HELZ: variants seen among roughly 807,000 people sequenced by gnomAD.
HELZ encodes ATP-dependent RNA helicase with zinc finger domain.
HELZ carries 23 observed loss-of-function variants against 218.2 expected under a neutral mutation model. The observed-to-expected ratio is 0.11, with a 90% CI of 0.08 to 0.15. The LOEUF is 0.15. HELZ is among the 10% of genes least tolerant of loss of function. HELZ has a pLI of 1.00. For synonymous variants in HELZ, 814 were observed against 829.4 expected (o/e 0.98, Z 0.32); for missense variants, 1,813 against 2,353.7 (o/e 0.77, Z 4.75).
chr17:67,150,176 C>A (rs2144042639), intron 18 of HELZ, 191 bp from the exon 19 acceptor site: 1 of 364,636 alleles, frequency 2.7e-6, no homozygotes, highest in South Asian at 3.3e-5. Context: ...CACTCTGTCT[C>A]CCAGGCTGGA....
At chr17:67,212,314 C>CAAAAAAAAAAAAAAA (rs10692832) in intron 5 of HELZ, among the ~76,000 whole-genome samples, 1,467 of 21,380 alleles carry the variant, frequency 0.069, 593 homozygotes, top group East Asian at 0.22. Context: ...GACACCATCT[C>CAAAAAAAAAAAAAAA]AAAAAAAAAA....
chr17:67,190,734 G>A (rs188407561), intron 9 of HELZ, among the ~76,000 whole-genome samples: 172 of 152,156 alleles, frequency 1.1e-3, no homozygotes, highest in Middle Eastern at 3.4e-3. Context: ...TTTTTGAGAC[G>A]GAGTCTCACT....
chr17:67,232,988 G>A (rs1049421778), intron 3 of HELZ, among the ~76,000 whole-genome samples: 2 of 152,304 alleles, frequency 1.3e-5, no homozygotes, highest in Admixed American at 1.3e-4. Context: ...ACAAAAATTA[G>A]CTGGGCATGG....
At chr17:67,232,721 G>T (rs996485906) in intron 3 of HELZ, among the ~76,000 whole-genome samples, 2 of 152,206 alleles carry the variant, frequency 1.3e-5, no homozygotes, top group Non-Finnish European at 2.9e-5. Context: ...GGAGGAAACA[G>T]ATGAAACAAT....
rs868647823 is a variant in HELZ, at chr17:67,244,494, G to A, written c.-132+654C>T. The A allele has an allele frequency of 7.1e-6, 4 of 566,350 alleles. No individual in the cohort carries two copies. The Middle Eastern group carries it at 2.7e-3, about 380-fold the overall frequency. The allele number at this position is 566,350 out of a possible 1,614,324, so 35.1% of individuals were successfully genotyped here. Reference sequence around the variant, plus strand: ...GTGAGCCCTTGAAAAGGGTACTGGAGTACTCTCAAGGAATCTCCAGGAAAA... The same window carrying A: ...GTGAGCCCTTGAAAAGGGTACTGGAATACTCTCAAGGAATCTCCAGGAAAA... On this transcript the variant is annotated intron_variant, in intron 1 of 32. Transcript: ENST00000358691.
rs147380343 is a variant in HELZ, at chr17:67,086,127, C to G, written c.5494+702G>C. On this transcript the variant is annotated intron_variant, in intron 32 of 32. Coordinates refer to ENST00000358691, the MANE Select transcript of HELZ (RefSeq NM_014877.4). ...TCATCTAACCAGCTCCCACTCACCCCCCTCAGCCCTGAAGGAAAAAAACCA... is the reference window on the plus strand; with the variant it reads ...TCATCTAACCAGCTCCCACTCACCCGCCTCAGCCCTGAAGGAAAAAAACCA... Among the ~76,000 whole-genome samples the G allele has an allele frequency of 3.3e-5, 5 of 152,262 alleles. No homozygotes were observed. The East Asian group carries it at 7.7e-4, about 23-fold the overall frequency.
chr17:67,214,722 G>T (rs148891523), intron 5 of HELZ, among the ~76,000 whole-genome samples: 81 of 152,242 alleles, frequency 5.3e-4, no homozygotes, highest in African/African-American at 1.9e-3. Context: ...CACCAAACGT[G>T]TGTGAGAATG....
Position 67,161,159 on chromosome 17 carries a change from G to A in HELZ, c.1896-83C>T, listed in dbSNP as rs1308210111. 6 of 1,062,848 alleles carry A rather than the reference G, an allele frequency of 5.6e-6. No homozygotes were observed. The Admixed American group carries it at 7.8e-5, about 14-fold the overall frequency. 65.8% of individuals were successfully genotyped at this position (1,062,848 alleles called of 1,614,324 possible). A position where few individuals can be genotyped will look rare whatever the true frequency, so the allele number is the denominator to read the frequency against. ...ACACACGAGTATCGTGAATTTCAGTGAACCATTAAAACCACTGAAATAGCA... is the reference window on the plus strand; with the variant it reads ...ACACACGAGTATCGTGAATTTCAGTAAACCATTAAAACCACTGAAATAGCA... On this transcript the variant is annotated intron_variant, in intron 15 of 32. Coordinates refer to ENST00000358691, the MANE Select transcript of HELZ (RefSeq NM_014877.4).
At chr17:67,218,859 A>T in intron 3 of HELZ, 37 bp from the exon 4 acceptor site, 1 of 1,450,762 alleles carries the variant, frequency 6.9e-7, no homozygotes, top group Non-Finnish European at 9.6e-7. Flanking sequence ...AAGGTTTTTT[A>T]AACTTATTAA....
intron 13 of HELZ, among the ~76,000 whole-genome samples, chr17:67,174,958 CTT>C (rs1453836396): frequency 6.6e-6 from 1 of 152,192 alleles, no homozygotes; most frequent in Non-Finnish European, 1.5e-5. Context: ...TCAGAACACA[CTT>C]ATTATTGTCA....
chr17:67,144,642 G>A (rs1421710057), intron 21 of HELZ, among the ~76,000 whole-genome samples: 5 of 151,786 alleles, frequency 3.3e-5, no homozygotes, highest in Admixed American at 6.6e-5. Flanking sequence ...CATCAATCCC[G>A]CCTCAGGATC....
At position 67,106,457 on chromosome 17, in the gene HELZ, G is replaced by A. The variant is rs539152673; in HGVS notation, c.5241+712C>T. Among the ~76,000 whole-genome samples the A allele has an allele frequency of 9.7e-3, 1,475 of 151,430 alleles. 26 individuals carry two copies. Among genetic ancestry groups the A allele is most frequent in the African/African-American group, 0.034 (1,378 of 40,906 alleles). ...CGAGTAGCTGGGACTACAGGCGCCC[G>A]CCACCACGCCCAGCTAATTTTTTCT... is the stretch of plus-strand genomic sequence containing the variant. On this transcript the variant is annotated intron_variant, in intron 31 of 32. Coordinates refer to ENST00000358691, the MANE Select transcript of HELZ (RefSeq NM_014877.4).
intron 26 of HELZ, among the ~76,000 whole-genome samples, chr17:67,122,523 G>A: frequency 1.3e-5 from 2 of 151,810 alleles, no homozygotes; most frequent in Admixed American, 1.3e-4. Context: ...TCCAGCCGGG[G>A]CAACAGAGTG....
At chr17:67,092,895 G>GT (rs905860716) in intron 31 of HELZ, among the ~76,000 whole-genome samples, 2 of 151,576 alleles carry the variant, frequency 1.3e-5, no homozygotes, top group Admixed American at 6.6e-5. Flanking sequence ...AAACCGGCGG[G>GT]GGGGGGAAGT....
At chr17:67,213,616 A>G (rs143656923) in intron 5 of HELZ, among the ~76,000 whole-genome samples, 7 of 152,052 alleles carry the variant, frequency 4.6e-5, no homozygotes, top group South Asian at 4.1e-4. Flanking sequence ...GCGAGACTCC[A>G]TCTCAAAAAA....
chr17:67,178,777 C>G lies in HELZ; in HGVS notation c.1312G>C (p.Ala438Pro). 6.2e-7 allele frequency: 1 copy of G among 1,613,888 alleles called. No homozygotes were observed. Among genetic ancestry groups the G allele is most frequent in the Non-Finnish European group, 8.5e-7 (1 of 1,179,920 alleles). ...LLIRYQIPLSADQLFTQSVLD... is the reference protein window; with the variant it reads ...LLIRYQIPLSPDQLFTQSVLD... ...ACGGACTGAGTAAATAGCTGGTCAG[C>G]AGAGAGGGGAATTTGGTATCTGATA... The change falls in exon 13 of 33, where the codon GCT becomes CCT. Residue 438 changes from alanine (A) to proline (P), a missense_variant. Coordinates refer to ENST00000358691, the MANE Select transcript of HELZ (RefSeq NM_014877.4).
At chr17:67,172,405 A>C (rs1258170434) in intron 13 of HELZ, among the ~76,000 whole-genome samples, 1 of 152,192 alleles carries the variant, frequency 6.6e-6, no homozygotes, top group Non-Finnish European at 1.5e-5. Flanking sequence ...CTTAGAAATC[A>C]GCAGTGACTA....
chr17:67,159,796 A>C (rs1346353415), intron 17 of HELZ, among the ~76,000 whole-genome samples: 1 of 152,194 alleles, frequency 6.6e-6, no homozygotes, highest in African/African-American at 2.4e-5. Context: ...TTTGTTGCAG[A>C]AATCATTTCA....
intron 17 of HELZ, among the ~76,000 whole-genome samples, chr17:67,157,842 A>G (rs2038887787): frequency 1.3e-5 from 2 of 152,116 alleles, no homozygotes; most frequent in South Asian, 4.2e-4. Context: ...AACAACAATT[A>G]CCTTCCATTT....
Sources: allele counts gnomAD v4.1 joint callset (sites outside exome capture counted in the v4.1 genomes callset), GRCh38; gene constraint gnomAD v4.1.1; transcripts MANE v1.5; gene names NCBI Gene and HGNC (gene_info 2026-07-23, HGNC 2026-07-21).